The following TEX9 variants were observed in gnomAD, a reference collection of about 807,000 sequenced individuals.
The protein encoded by TEX9 is testis expressed 9, also known as testis-expressed protein 9.
In TEX9, 74 loss-of-function variants were observed where a neutral mutation model predicts 59.6. The observed-to-expected ratio is 1.24, with a 90% CI of 1.03 to 1.51. The LOEUF is 1.51. Ranked by LOEUF, TEX9 falls within the 40% of genes most tolerant of loss-of-function variation. The pLI, the probability that TEX9 is intolerant of heterozygous loss-of-function variation, is 0.00. For synonymous variants in TEX9, 186 were observed against 152.2 expected (o/e 1.22, Z -1.64); for missense variants, 522 against 447.8 (o/e 1.17, Z -1.49).
intron 4 of TEX9, among the ~76,000 whole-genome samples, chr15:56,387,739 G>T (rs558341362): frequency 1.6e-3 from 239 of 152,000 alleles, no homozygotes; most frequent in East Asian, 3.1e-3. Flanking sequence ...AATATTTTTA[G>T]ATTTGTGGGC....
At chr15:56,427,723 T>G in exon 11 of TEX9, 1 of 1,489,338 alleles carries the variant, frequency 6.7e-7, no homozygotes, top group Non-Finnish European at 9.0e-7. Context: ...TTAATTGATG[T>G]TTTAAAAAGG....
chr15:56,405,036 C>T (rs1214504639), intron 9 of TEX9, among the ~76,000 whole-genome samples: 4 of 152,010 alleles, frequency 2.6e-5, no homozygotes, highest in Non-Finnish European at 4.4e-5. Flanking sequence ...ATGTAAATGA[C>T]GAGTTGATGG....
intron 1 of TEX9, among the ~76,000 whole-genome samples, chr15:56,340,484 A>C (rs1298243151): frequency 1.3e-5 from 2 of 152,124 alleles, no homozygotes; most frequent in Non-Finnish European, 2.9e-5. Context: ...TGAATTTTCC[A>C]TTTCATTTAA....
At chr15:56,353,130 G>A (rs1365794650) in intron 1 of TEX9, among the ~76,000 whole-genome samples, 2 of 152,242 alleles carry the variant, frequency 1.3e-5, no homozygotes, top group African/African-American at 2.4e-5. Flanking sequence ...CACTACTGAG[G>A]TTTCTAGGAT....
rs1344470804 is a variant in TEX9, at chr15:56,386,233, C to G, written c.263+2202C>G. The stretch of plus-strand genomic sequence containing the variant: ...ATTTGATGCTCTGGAAAAGGCAGAG[C>G]TTTAGGGACAGAAATCAAAGTGGTT... On this transcript the variant is annotated intron_variant, in intron 4 of 12. Coordinates refer to ENST00000352903, the Ensembl canonical transcript of TEX9. 4.0e-5 allele frequency among the ~76,000 whole-genome samples: 6 copies of G among 151,746 alleles called. No homozygotes were observed. In the East Asian group the frequency reaches 1.2e-3, roughly 29 times the overall value.
intron 1 of TEX9, among the ~76,000 whole-genome samples, chr15:56,250,274 A>G (rs1228383585): frequency 1.3e-5 from 2 of 152,262 alleles, no homozygotes; most frequent in African/African-American, 4.8e-5. Flanking sequence ...GGCGTAGCTA[A>G]TAACTGCTAA....
intron 1 of TEX9, among the ~76,000 whole-genome samples, chr15:56,357,562 T>G (rs1408617050): frequency 6.6e-6 from 1 of 152,160 alleles, no homozygotes; most frequent in Non-Finnish European, 1.5e-5. Flanking sequence ...GAAATCCGAT[T>G]TTTTTATATG....
intron 10 of TEX9, among the ~76,000 whole-genome samples, chr15:56,419,630 C>CT (rs1356205619): frequency 6.6e-6 from 1 of 151,664 alleles, no homozygotes; most frequent in Non-Finnish European, 1.5e-5. Context: ...TTATTGGTTA[C>CT]TTTTTTGTGA....
intron 1 of TEX9, among the ~76,000 whole-genome samples, chr15:56,294,343 C>A (rs150627816): frequency 6.6e-6 from 1 of 152,274 alleles, no homozygotes; most frequent in Non-Finnish European, 1.5e-5. Flanking sequence ...GGGAGAAACA[C>A]TCTCCTCTCA....
intron 1 of TEX9, among the ~76,000 whole-genome samples, chr15:56,309,827 A>T (rs2045569164): frequency 6.7e-6 from 1 of 150,084 alleles, no homozygotes; most frequent in South Asian, 2.1e-4. Flanking sequence ...TCAAGGGAGA[A>T]TGAGAGAGTG....
intron 3 of TEX9, among the ~76,000 whole-genome samples, chr15:56,375,789 C>G (rs1442059623): frequency 6.6e-6 from 1 of 151,208 alleles, no homozygotes. Context: ...TATTGCGGCA[C>G]TATTCACAAT....
At chr15:56,365,650 C>G in exon 2 of TEX9, 1 of 1,614,174 alleles carries the variant, frequency 6.2e-7, no homozygotes, top group Non-Finnish European at 8.5e-7. Flanking sequence ...CCGACCTCCT[C>G]GCCTTGGAGG....
intron 1 of TEX9, among the ~76,000 whole-genome samples, chr15:56,261,941 C>T (rs1218852630): frequency 6.6e-6 from 1 of 152,140 alleles, no homozygotes; most frequent in African/African-American, 2.4e-5. Context: ...TGCCATGGTG[C>T]TGTACTGACG....
chr15:56,286,239 T>TC (rs1555430938), intron 1 of TEX9, among the ~76,000 whole-genome samples: 1 of 151,876 alleles, frequency 6.6e-6, no homozygotes, highest in Non-Finnish European at 1.5e-5. Context: ...CAGGAAAACT[T>TC]AAAGGGGAAG....
chr15:56,448,108 A>T (rs1215850260), downstream of TEX9, among the ~76,000 whole-genome samples: 1 of 152,198 alleles, frequency 6.6e-6, no homozygotes, highest in East Asian at 1.9e-4. Flanking sequence ...TGCTATGGAA[A>T]TTTGAGTACC....
At chr15:56,338,232 A>G (rs771738267) in intron 1 of TEX9, among the ~76,000 whole-genome samples, 1 of 152,234 alleles carries the variant, frequency 6.6e-6, no homozygotes, top group Non-Finnish European at 1.5e-5. Context: ...CACTTAGAGT[A>G]TTACTGAGAA....
chr15:56,265,773 G>C (rs1159827641), intron 1 of TEX9, among the ~76,000 whole-genome samples: 2 of 151,936 alleles, frequency 1.3e-5, no homozygotes, highest in Non-Finnish European at 2.9e-5. Flanking sequence ...GTCTATCTTG[G>C]TGAAGGTTTC....
chr15:56,278,774 A>G (rs1280307139), intron 1 of TEX9, among the ~76,000 whole-genome samples: 1 of 150,434 alleles, frequency 6.6e-6, no homozygotes, highest in African/African-American at 2.4e-5. Context: ...TCAGTCTGTC[A>G]TGACAACCTC....
chr15:56,327,101 A>T (rs1255497406), intron 1 of TEX9, among the ~76,000 whole-genome samples: 2 of 152,208 alleles, frequency 1.3e-5, no homozygotes, highest in African/African-American at 2.4e-5. Flanking sequence ...GATTTTTTCC[A>T]AATGCATATA....
Sources: allele counts gnomAD v4.1 joint callset (sites outside exome capture counted in the v4.1 genomes callset), GRCh38; gene constraint gnomAD v4.1.1; transcripts MANE v1.5; gene names NCBI Gene and HGNC (gene_info 2026-07-23, HGNC 2026-07-21).